CUBN: variants seen among roughly 807,000 people sequenced by gnomAD.
CUBN encodes the protein cubilin.
CUBN carries 282 observed loss-of-function variants against 405.3 expected under a neutral mutation model. The observed-to-expected ratio is 0.70, with a 90% CI of 0.63 to 0.77. The LOEUF is 0.77. CUBN is among the 30% of genes least tolerant of loss of function. The pLI is 0.00. For missense variants in CUBN, 4,514 were observed against 4,475.2 expected (o/e 1.01, Z -0.25); for synonymous variants, 1,684 against 1,617.0 (o/e 1.04, Z -0.99).
rs1220013169 is a variant in CUBN, at chr10:16,899,341, T to A, written c.8411-158A>T. On this transcript the variant is annotated intron_variant, in intron 53 of 66. Transcript: ENST00000377833. ...TCAGGTGCACAGCAAGCTCTCTCCA[T>A]AAATGGAAAGGTGAGTTAAATTGAG... Among the ~76,000 whole-genome samples, 6 of 152,218 alleles carry A rather than the reference T, an allele frequency of 3.9e-5. No individual in the cohort carries two copies. The East Asian group carries it at 1.2e-3, about 29-fold the overall frequency.
At chr10:16,887,132 A>C (rs1411100397) in intron 56 of CUBN, among the ~76,000 whole-genome samples, 1 of 152,200 alleles carries the variant, frequency 6.6e-6, no homozygotes, top group Non-Finnish European at 1.5e-5. Flanking sequence ...TATTTGTCGA[A>C]CACCTATGTT....
chr10:16,837,426 G>A (rs1442894281), intron 62 of CUBN, among the ~76,000 whole-genome samples: 1 of 151,944 alleles, frequency 6.6e-6, no homozygotes, highest in Non-Finnish European at 1.5e-5. Context: ...TACCATTATC[G>A]TCACTCTCAT....
intron 56 of CUBN, among the ~76,000 whole-genome samples, chr10:16,883,428 C>A (rs2131387913): frequency 6.6e-6 from 1 of 152,214 alleles, no homozygotes; most frequent in East Asian, 1.9e-4. Flanking sequence ...CCACTTTTTT[C>A]TAAAGTAATG....
At chr10:16,838,708 G>A (rs567364362) in intron 62 of CUBN, among the ~76,000 whole-genome samples, 11 of 152,284 alleles carry the variant, frequency 7.2e-5, no homozygotes, top group African/African-American at 1.2e-4. Context: ...GCAGTGGCGC[G>A]ATCTTGGCTC....
rs35335421 is a variant in CUBN, at chr10:16,928,532, C to CTT, written c.6125-231_6125-230dup. ...TACCCCCACCCCACCCCACCCCCCC[C>CTT]TTTTTTTTTTTTTTTGAGATGGAGT... On this transcript the variant is annotated intron_variant, in intron 40 of 66. Coordinates refer to ENST00000377833, the MANE Select transcript of CUBN (RefSeq NM_001081.4). 3.4e-3 allele frequency among the ~76,000 whole-genome samples: 366 copies of CTT among 107,036 alleles called. 1 individual carries two copies. The highest frequency in any genetic ancestry group is 7.2e-3 in the African/African-American group (202 of 27,986). 70.2% of individuals were successfully genotyped at this position (107,036 alleles called of 152,430 possible). A position where few individuals can be genotyped will look rare whatever the true frequency, so the allele number is the denominator to read the frequency against.
intron 58 of CUBN, among the ~76,000 whole-genome samples, chr10:16,873,392 C>G (rs1452122120): frequency 6.6e-6 from 1 of 152,086 alleles, no homozygotes; most frequent in South Asian, 2.1e-4. Context: ...TGTTCTGACA[C>G]AGGTATAAAA....
In CUBN at chr10:17,100,099, G is replaced by A. The variant is rs1836462824; in HGVS notation, c.1671C>T (p.Leu557=). ...RFCGSSLPHE[L]LSSDNALYFH... is the part of the protein sequence containing the mutation. ...AATAGAGAGCATTGTCACTGCTGAG[G>A]AGTTCATGAGGGAGGCTGGAGCCAC... The change falls in exon 14 of 67, where the codon CTC becomes CTT. Residue 557 remains leucine, a synonymous_variant. Transcript: ENST00000377833. 1 of 1,613,868 alleles carries A rather than the reference G, an allele frequency of 6.2e-7. No individual in the cohort carries two copies. The highest frequency in any genetic ancestry group is 2.2e-5 in the East Asian group (1 of 44,856).
chr10:16,914,422 C>T (rs1254500465), intron 47 of CUBN, among the ~76,000 whole-genome samples: 2 of 151,920 alleles, frequency 1.3e-5, no homozygotes, highest in Admixed American at 6.6e-5. Flanking sequence ...AGCCGGGCGT[C>T]GTGGCGTGCG....
intron 14 of CUBN, among the ~76,000 whole-genome samples, chr10:17,092,135 C>T (rs1836272484): frequency 6.6e-6 from 1 of 152,176 alleles, no homozygotes; most frequent in African/African-American, 2.4e-5. Flanking sequence ...GTAGCACCAA[C>T]TGGCAGACTG....
intron 28 of CUBN, among the ~76,000 whole-genome samples, chr10:17,006,443 C>T (rs919650391): frequency 1.3e-5 from 2 of 152,114 alleles, no homozygotes; most frequent in African/African-American, 2.4e-5. Flanking sequence ...AAAGATAAAA[C>T]CTTTGTCTTT....
At chr10:16,938,431 A>T (rs1354815980) in intron 38 of CUBN, among the ~76,000 whole-genome samples, 3 of 152,142 alleles carry the variant, frequency 2.0e-5, no homozygotes, top group African/African-American at 7.2e-5. Context: ...CAAACAAATT[A>T]TGTAATAGTC....
At chr10:16,930,846 G>A (rs1226426592) in intron 40 of CUBN, among the ~76,000 whole-genome samples, 2 of 152,218 alleles carry the variant, frequency 1.3e-5, no homozygotes, top group African/African-American at 4.8e-5. Flanking sequence ...TAGCCTATAA[G>A]TATCTTTGTC....
chr10:16,980,426 G>T (rs1833233301), intron 31 of CUBN, among the ~76,000 whole-genome samples: 1 of 152,178 alleles, frequency 6.6e-6, no homozygotes, highest in Non-Finnish European at 1.5e-5. Context: ...CAATGGCAAA[G>T]ACTTGGAACC....
intron 60 of CUBN, among the ~76,000 whole-genome samples, chr10:16,845,382 C>G (rs1042340269): frequency 6.6e-6 from 1 of 152,098 alleles, no homozygotes; most frequent in Non-Finnish European, 1.5e-5. Flanking sequence ...TTCATGAATT[C>G]TTTGATCTTA....
rs925415688 is a variant in CUBN, at chr10:17,040,934, G to C, written c.4017+99C>G. ...TGGTGTGTTATAGATGCGTGGGGCA[G>C]AGTTAGGGATTTTATTCTAAAAAGC... On this transcript the variant is annotated intron_variant, in intron 27 of 66. Transcript: ENST00000377833. 2.9e-5 allele frequency: 33 copies of C among 1,125,022 alleles called. No individual in the cohort carries two copies. The Admixed American group carries it at 5.6e-4, about 19-fold the overall frequency. The allele number at this position is 1,125,022 out of a possible 1,614,324, so 69.7% of individuals were successfully genotyped here. A position where few individuals can be genotyped will look rare whatever the true frequency, so the allele number is the denominator to read the frequency against.
At chr10:17,123,784 T>G (rs1181535189) in intron 4 of CUBN, 95 bp from the exon 5 acceptor site, 1 of 771,952 alleles carries the variant, frequency 1.3e-6, no homozygotes, top group African/African-American at 1.7e-5. Flanking sequence ...TAACTCTTAA[T>G]CAGTGGGGGT....
intron 66 of CUBN, among the ~76,000 whole-genome samples, chr10:16,828,439 C>T (rs1317515563): frequency 6.6e-6 from 1 of 152,110 alleles, no homozygotes; most frequent in Non-Finnish European, 1.5e-5. Context: ...TACACTAGGC[C>T]GGGCCCAGTG....
chr10:17,089,193 T>C (rs1257819132), intron 14 of CUBN, among the ~76,000 whole-genome samples: 1 of 152,164 alleles, frequency 6.6e-6, no homozygotes, highest in Admixed American at 6.5e-5. Flanking sequence ...GTTGTTCAAA[T>C]AAAAATTTTC....
chr10:16,824,847 T>A lies in CUBN; in HGVS notation c.*128A>T. On this transcript the variant is annotated 3_prime_UTR_variant, in exon 67 of 67. Coordinates refer to ENST00000377833, the MANE Select transcript of CUBN (RefSeq NM_001081.4). ...TACAAATATTGATTCTATCCATGGT[T>A]TGGTGAAAAACCATACAAGTTCAGC... The A allele has an allele frequency of 1.4e-6, 1 of 739,932 alleles. No homozygotes were observed. The highest frequency in any genetic ancestry group is 1.5e-5 in the South Asian group (1 of 67,934). 45.8% of individuals were successfully genotyped at this position (739,932 alleles called of 1,614,324 possible).
Sources: allele counts gnomAD v4.1 joint callset (sites outside exome capture counted in the v4.1 genomes callset), GRCh38; gene constraint gnomAD v4.1.1; transcripts MANE v1.5; gene names NCBI Gene and HGNC (gene_info 2026-07-23, HGNC 2026-07-21).